Variants in ANO2 observed in about 807,000 individuals in gnomAD.
ANO2 encodes the protein anoctamin-2.
In ANO2, 101 loss-of-function variants were observed where a neutral mutation model predicts 124.2. The observed-to-expected ratio is 0.81, with a 90% CI of 0.69 to 0.96. ANO2 has a LOEUF of 0.96. Ranked by LOEUF, ANO2 falls within the 40% of genes least tolerant of loss-of-function variation. ANO2 has a pLI of 0.00. For missense variants in ANO2, 1,293 were observed against 1,274.5 expected, an observed-to-expected ratio of 1.01 and a Z score of -0.22; for synonymous variants, 486 against 482.5, an observed-to-expected ratio of 1.01 and a Z score of -0.09.
intron 14 of ANO2, among the ~76,000 whole-genome samples, chr12:5,657,041 G>T (rs1427684184): frequency 6.6e-6 from 1 of 152,170 alleles, no homozygotes; most frequent in Non-Finnish European, 1.5e-5. Flanking sequence ...GGATGGAGAA[G>T]GTTGGCAGGG....
chr12:5,706,148 A>G (rs1949600600), intron 14 of ANO2, among the ~76,000 whole-genome samples: 1 of 152,190 alleles, frequency 6.6e-6, no homozygotes, highest in Non-Finnish European at 1.5e-5. Flanking sequence ...TTCCCGCTTC[A>G]CAAAGCAATT....
chr12:5,623,229 G>A (rs1443325636), intron 16 of ANO2, among the ~76,000 whole-genome samples: 7 of 152,114 alleles, frequency 4.6e-5, no homozygotes, highest in South Asian at 2.1e-4. Flanking sequence ...ATGGGGATAC[G>A]ATGGAGGGGA....
chr12:5,734,440 C>T (rs1950771099), intron 13 of ANO2, among the ~76,000 whole-genome samples: 1 of 152,204 alleles, frequency 6.6e-6, no homozygotes. Context: ...TCTCTTCAAG[C>T]CAGAGGAGCC....
intron 14 of ANO2, among the ~76,000 whole-genome samples, chr12:5,654,731 T>C (rs1188391855): frequency 2.0e-5 from 3 of 152,160 alleles, no homozygotes; most frequent in East Asian, 1.9e-4. Flanking sequence ...CCAAGTAATG[T>C]TGATATTTGG....
chr12:5,813,192 T>C (rs12366788), intron 7 of ANO2, among the ~76,000 whole-genome samples: 90,174 of 151,806 alleles, frequency 0.59, 27,079 homozygotes, highest in East Asian at 0.71. Flanking sequence ...ATTAGAAAAA[T>C]AAAAACTAGG....
chr12:5,731,520 C>G (rs1006483449), intron 14 of ANO2, among the ~76,000 whole-genome samples: 1 of 151,486 alleles, frequency 6.6e-6, no homozygotes, highest in African/African-American at 2.4e-5. Flanking sequence ...AAAGACACAT[C>G]TAAAAGCAAC....
chr12:5,943,277 TTGTGTGTGTGTGTGTGTGTG>T (rs138167836), intron 1 of ANO2, among the ~76,000 whole-genome samples: 3 of 148,368 alleles, frequency 2.0e-5, no homozygotes, highest in Non-Finnish European at 4.5e-5. Context: ...GAGTGTGTGT[TTGTGTGTGTGTGTGTGTGTG>T]TGTGTGTGTG....
At chr12:5,759,819 A>G (rs966454595) in intron 10 of ANO2, among the ~76,000 whole-genome samples, 1 of 152,064 alleles carries the variant, frequency 6.6e-6, no homozygotes, top group African/African-American at 2.4e-5. Context: ...TATAAATTAA[A>G]TATCTTTCAA....
At chr12:5,916,105 C>T (rs61908404) in intron 3 of ANO2, among the ~76,000 whole-genome samples, 23,026 of 151,766 alleles carry the variant, frequency 0.15, 1,983 homozygotes, top group South Asian at 0.2. Flanking sequence ...GGTGAAGCCC[C>T]GTCTCTACAA....
intron 10 of ANO2, among the ~76,000 whole-genome samples, chr12:5,758,767 T>G (rs758113054): frequency 6.6e-6 from 1 of 152,230 alleles, no homozygotes; most frequent in Non-Finnish European, 1.5e-5. Flanking sequence ...GGAAGAGGCA[T>G]GTAGGCATAA....
chr12:5,901,566 G>T (rs1039282549), intron 3 of ANO2, among the ~76,000 whole-genome samples: 3 of 152,220 alleles, frequency 2.0e-5, no homozygotes, highest in African/African-American at 7.2e-5. Context: ...AGAGCTGGGG[G>T]CATGGATGAG....
chr12:5,796,498 GACACACTCTCACACGA>G (rs1952862150), intron 10 of ANO2, among the ~76,000 whole-genome samples: 1 of 145,506 alleles, frequency 6.9e-6, no homozygotes, highest in Admixed American at 6.7e-5. Context: ...AACACACAGA[GACACACTCTCACACGA>G]ACACATTCTC....
At chr12:5,785,096 T>C (rs573803443) in intron 10 of ANO2, among the ~76,000 whole-genome samples, 1 of 152,286 alleles carries the variant, frequency 6.6e-6, no homozygotes, top group Admixed American at 6.5e-5. Flanking sequence ...AAATACCATC[T>C]ATCACTTTCT....
chr12:5,801,708 A>G (rs1307951127), intron 9 of ANO2, among the ~76,000 whole-genome samples: 2 of 152,234 alleles, frequency 1.3e-5, no homozygotes, highest in Non-Finnish European at 2.9e-5. Context: ...ACCACTCGCA[A>G]TGGAGGAAAC....
chr12:5,851,335 A>G (rs113286972), intron 4 of ANO2, among the ~76,000 whole-genome samples: 4,370 of 152,302 alleles, frequency 0.029, 219 homozygotes, highest in African/African-American at 0.098. Flanking sequence ...AAAGGCAAGC[A>G]CTACTGGGGA....
chr12:5,683,640 G>A lies in ANO2; in HGVS notation c.1546-35839C>T, dbSNP rs141106583. Among the ~76,000 whole-genome samples, 46 of 152,150 alleles carry A rather than the reference G, an allele frequency of 3.0e-4. 1 individual carries two copies. The highest frequency in any genetic ancestry group is 1.1e-3 in the African/African-American group (46 of 41,504). ...AATTTTCAGTTCAGAAAACAGAGTC[G>A]CCATACCGTTTACTTATTTTAATTT... On this transcript the variant is annotated intron_variant, in intron 14 of 24. Transcript: ENST00000682330.
chr12:5,883,101 T>A (rs1239922142), intron 3 of ANO2, among the ~76,000 whole-genome samples: 1 of 151,290 alleles, frequency 6.6e-6, no homozygotes, highest in Non-Finnish European at 1.5e-5. Flanking sequence ...CCCAGCACCA[T>A]TAACACACAC....
intron 14 of ANO2, among the ~76,000 whole-genome samples, chr12:5,693,150 T>C (rs1168965840): frequency 1.3e-5 from 2 of 152,176 alleles, no homozygotes; most frequent in Non-Finnish European, 2.9e-5. Context: ...CAAGGTCTCA[T>C]GGCTGAAAAA....
In ANO2 at chr12:5,922,697, G is replaced by A. The variant is rs368965126; in HGVS notation, c.130C>T (p.Arg44Trp). ...GAACCGCCCTGCAGACCTGGGGCCC[G>A]GGGACCTGGCATCTTGAGACACTGC... ...GQQCLKMPGPRAPGLQGGSNR... is the reference protein window; with the variant it reads ...GQQCLKMPGPWAPGLQGGSNR... The change falls in exon 2 of 25, where the codon CGG (arginine) becomes TGG (tryptophan). Residue 44 changes from arginine to tryptophan, a missense_variant. Arg to Trp is a moderately radical substitution (Grantham distance 101, BLOSUM62 -3). Transcript: ENST00000682330. 6.8e-5 allele frequency: 107 copies of A among 1,578,426 alleles called. No individual in the cohort carries two copies. Among genetic ancestry groups the A allele is most frequent in the African/African-American group, 5.8e-4 (43 of 74,052 alleles).
Sources: gnomAD v4.1 joint callset for allele counts (sites outside exome capture counted in the v4.1 genomes callset) on GRCh38, gnomAD v4.1.1 for gene constraint, MANE v1.5 for transcripts, NCBI Gene and HGNC (gene_info 2026-07-23, HGNC 2026-07-21) for gene names.